Variants in TSPAN5 observed in about 807,000 individuals in gnomAD.
TSPAN5 encodes the protein tetraspanin-5.
In TSPAN5, 10 loss-of-function variants were observed where a neutral mutation model predicts 37.1. The observed-to-expected ratio is 0.27, with a 90% CI of 0.17 to 0.46. TSPAN5 has a LOEUF of 0.46. TSPAN5 is among the 20% of genes least tolerant of loss of function. TSPAN5 has a pLI of 1.00. For missense variants in TSPAN5, 195 were observed against 326.6 expected (o/e 0.60, Z 3.11); for synonymous variants, 110 against 118.9 (o/e 0.93, Z 0.48).
chr4:98,524,810 G>T (rs908913619), intron 1 of TSPAN5, among the ~76,000 whole-genome samples: 3 of 152,046 alleles, frequency 2.0e-5, no homozygotes, highest in Non-Finnish European at 4.4e-5. Context: ...TAGATTTACT[G>T]CCTACACCTG....
chr4:98,545,556 G>T (rs1754451140), intron 1 of TSPAN5, among the ~76,000 whole-genome samples: 1 of 151,744 alleles, frequency 6.6e-6, no homozygotes, highest in Non-Finnish European at 1.5e-5. Flanking sequence ...TTGAGACAGG[G>T]TCTTGCTCTG....
chr4:98,616,862 A>T (rs1756352543), intron 1 of TSPAN5, among the ~76,000 whole-genome samples: 2 of 126,186 alleles, frequency 1.6e-5, no homozygotes, highest in African/African-American at 7.1e-5. Context: ...GAGAAGCTCC[A>T]CGTAAATTTT....
chr4:98,583,684 C>G (rs111878827), intron 1 of TSPAN5, among the ~76,000 whole-genome samples: 2,760 of 152,346 alleles, frequency 0.018, 72 homozygotes, highest in African/African-American at 0.063. Context: ...CATCACTTCA[C>G]TACACGGCCT....
intron 1 of TSPAN5, among the ~76,000 whole-genome samples, chr4:98,555,489 T>G (rs529972766): frequency 6.6e-6 from 1 of 152,252 alleles, no homozygotes; most frequent in African/African-American, 2.4e-5. Context: ...CTTCCTGAAA[T>G]TATTCCTTCT....
intron 1 of TSPAN5, among the ~76,000 whole-genome samples, chr4:98,536,675 T>C (rs551098313): frequency 6.6e-5 from 10 of 152,370 alleles, no homozygotes; most frequent in Admixed American, 5.2e-4. Context: ...GGCTGCTACC[T>C]TTTTGTCAGA....
chr4:98,618,938 G>A (rs1756412107), intron 1 of TSPAN5, among the ~76,000 whole-genome samples: 1 of 152,178 alleles, frequency 6.6e-6, no homozygotes, highest in Non-Finnish European at 1.5e-5. Flanking sequence ...GGCTTTACGT[G>A]CCTCTGTCTC....
intron 2 of TSPAN5, among the ~76,000 whole-genome samples, chr4:98,502,167 A>G (rs1441762108): frequency 1.3e-5 from 2 of 152,188 alleles, no homozygotes; most frequent in East Asian, 3.8e-4. Context: ...CATGAGAATC[A>G]CTTGTGTTGT....
intron 1 of TSPAN5, among the ~76,000 whole-genome samples, chr4:98,584,889 C>T (rs1755450809): frequency 6.6e-6 from 1 of 152,204 alleles, no homozygotes; most frequent in African/African-American, 2.4e-5. Context: ...CTAATTCCTT[C>T]TATCCACAAC....
Position 98,621,157 on chromosome 4 carries a change from G to A in TSPAN5, c.81+36989C>T, listed in dbSNP as rs76361296. The stretch of plus-strand genomic sequence containing the variant: ...GTCAGGTGACAGGTTTATACACCAC[G>A]GAATGACAAAGATGGCTGGCAAACC... On this transcript the variant is annotated intron_variant, in intron 1 of 7. Coordinates refer to ENST00000305798, the MANE Select transcript of TSPAN5 (RefSeq NM_005723.4). Among the ~76,000 whole-genome samples the A allele has an allele frequency of 3.4e-4, 51 of 152,178 alleles. No homozygotes were observed. In the East Asian group the frequency reaches 7.8e-3, roughly 23 times the overall value.
At chr4:98,624,917 C>T (rs1188560553) in intron 1 of TSPAN5, among the ~76,000 whole-genome samples, 1 of 152,118 alleles carries the variant, frequency 6.6e-6, no homozygotes, top group Non-Finnish European at 1.5e-5. Context: ...TTAGATTCCT[C>T]CTATACAGAG....
Position 98,552,823 on chromosome 4 carries a change from A to T in TSPAN5, c.82-45095T>A, listed in dbSNP as rs1754654120. Among the ~76,000 whole-genome samples the T allele has an allele frequency of 2.0e-5, 3 of 152,230 alleles. No homozygotes were observed. In the South Asian group the frequency reaches 6.2e-4, roughly 31 times the overall value. On this transcript the variant is annotated intron_variant, in intron 1 of 7. Transcript: ENST00000305798. ...AAAGGCAAGAAATGGACAGAGCCCT[A>T]TGACATGGTTTGGTCACTGGATATA...
chr4:98,537,197 G>A (rs1352718571), intron 1 of TSPAN5, among the ~76,000 whole-genome samples: 1 of 152,200 alleles, frequency 6.6e-6, no homozygotes, highest in Admixed American at 6.5e-5. Context: ...TATCTATGCC[G>A]GAGTTCCTCA....
chr4:98,485,238 AC>A (rs1199113037), intron 3 of TSPAN5: 1 of 152,568 alleles, frequency 6.6e-6, no homozygotes, highest in East Asian at 1.9e-4. Flanking sequence ...TGAGCTGAGC[AC>A]TGGAGCACTG....
intron 3 of TSPAN5, chr4:98,483,267 G>A (rs1752887265): frequency 6.6e-6 from 1 of 152,276 alleles, no homozygotes; most frequent in African/African-American, 2.4e-5. Flanking sequence ...AGGAGGCAGG[G>A]GGTGCTCAGG....
At chr4:98,487,019 T>A in intron 2 of TSPAN5, 135 bp from the exon 3 acceptor site, 1 of 737,864 alleles carries the variant, frequency 1.4e-6, no homozygotes, top group Non-Finnish European at 2.2e-6. Context: ...GGTATGTGAT[T>A]AATACTTAAG....
At chr4:98,612,299 A>G (rs1342287595) in intron 1 of TSPAN5, among the ~76,000 whole-genome samples, 3 of 152,140 alleles carry the variant, frequency 2.0e-5, no homozygotes, top group Non-Finnish European at 4.4e-5. Flanking sequence ...GCAATACAAA[A>G]GGGTTGTAGG....
intron 1 of TSPAN5, among the ~76,000 whole-genome samples, chr4:98,562,445 A>C (rs34909927): frequency 0.27 from 41,440 of 151,994 alleles, 7,232 homozygotes; most frequent in South Asian, 0.45. Flanking sequence ...GGCGGATCAC[A>C]AGGTCAGGAG....
chr4:98,490,387 TG>T (rs964733588), intron 2 of TSPAN5, among the ~76,000 whole-genome samples: 1 of 152,208 alleles, frequency 6.6e-6, no homozygotes, highest in African/African-American at 2.4e-5. Context: ...GGATAAAAAT[TG>T]GCTTCTCAGA....
chr4:98,562,669 A>G (rs1280238397), intron 1 of TSPAN5, among the ~76,000 whole-genome samples: 1 of 129,582 alleles, frequency 7.7e-6, no homozygotes, highest in Non-Finnish European at 1.5e-5. Flanking sequence ...CAAAAAACAA[A>G]ACAAAACAAA....
Sources: gnomAD v4.1 joint callset for allele counts (sites outside exome capture counted in the v4.1 genomes callset) on GRCh38, gnomAD v4.1.1 for gene constraint, MANE v1.5 for transcripts, NCBI Gene and HGNC (gene_info 2026-07-23, HGNC 2026-07-21) for gene names.